Variants in PTPRD observed in about 807,000 individuals in gnomAD.
The protein encoded by PTPRD is protein tyrosine phosphatase receptor type D.
Under a neutral mutation model 214.5 loss-of-function variants are expected in PTPRD, and 34 were observed. The observed-to-expected ratio is 0.16, with a 90% confidence interval of 0.12 to 0.21. PTPRD has a LOEUF of 0.21. PTPRD is among the 10% of genes least tolerant of loss of function. The pLI is 1.00. For missense variants in PTPRD, 2,545 were observed against 2,398.7 expected (o/e 1.06, Z -1.27); for synonymous variants, 1,128 against 845.7 (o/e 1.33, Z -5.79).
intron 3 of PTPRD, among the ~76,000 whole-genome samples, chr9:10,139,791 A>C (rs1575459): frequency 0.22 from 32,914 of 151,990 alleles, 3,757 homozygotes; most frequent in South Asian, 0.39. Flanking sequence ...GAATGGGGCA[A>C]AGATTCCCTA....
chr9:9,150,377 C>A (rs1409564176), intron 10 of PTPRD, among the ~76,000 whole-genome samples: 1 of 150,098 alleles, frequency 6.7e-6, no homozygotes, highest in Admixed American at 6.7e-5. Flanking sequence ...CAGTCTTTTA[C>A]ATCATGGAGC....
intron 5 of PTPRD, among the ~76,000 whole-genome samples, chr9:9,825,322 AAG>A (rs1014660232): frequency 3.3e-5 from 5 of 151,586 alleles, no homozygotes; most frequent in African/African-American, 4.8e-5. Flanking sequence ...AAGAGAAAGA[AAG>A]AGAGAGAGAA....
intron 5 of PTPRD, among the ~76,000 whole-genome samples, chr9:9,787,009 C>T (rs1035451677): frequency 1.3e-5 from 2 of 151,932 alleles, no homozygotes; most frequent in African/African-American, 4.8e-5. Context: ...TGGTGGTGTG[C>T]GCCTGAAGTC....
intron 4 of PTPRD, among the ~76,000 whole-genome samples, chr9:9,941,766 G>C (rs1221789472): frequency 6.6e-6 from 1 of 152,152 alleles, no homozygotes; most frequent in South Asian, 2.1e-4. Flanking sequence ...GGTCCCAAAG[G>C]AAACTCCAGT....
At chr9:10,304,806 T>G (rs944161840) in intron 3 of PTPRD, among the ~76,000 whole-genome samples, 5 of 152,146 alleles carry the variant, frequency 3.3e-5, no homozygotes, top group Admixed American at 1.3e-4. Flanking sequence ...ATAGGAAGAA[T>G]CAATTCATGA....
At chr9:9,027,406 A>G (rs1194288008) in intron 10 of PTPRD, among the ~76,000 whole-genome samples, 1 of 151,968 alleles carries the variant, frequency 6.6e-6, no homozygotes, top group African/African-American at 2.4e-5. Flanking sequence ...GTTTGTAGTG[A>G]TAATGGAAGT....
At chr9:8,900,977 G>A (rs548532630) in intron 11 of PTPRD, among the ~76,000 whole-genome samples, 6 of 152,240 alleles carry the variant, frequency 3.9e-5, no homozygotes, top group Non-Finnish European at 7.4e-5. Flanking sequence ...GTACAGGTAA[G>A]TACATGATGA....
chr9:9,069,938 T>A (rs908064024), intron 10 of PTPRD, among the ~76,000 whole-genome samples: 3 of 152,102 alleles, frequency 2.0e-5, no homozygotes, highest in Non-Finnish European at 4.4e-5. Flanking sequence ...AAAGAACCTA[T>A]AAAATTAAAA....
At chr9:8,716,469 G>A (rs964842749) in intron 12 of PTPRD, among the ~76,000 whole-genome samples, 2 of 152,086 alleles carry the variant, frequency 1.3e-5, no homozygotes, top group Non-Finnish European at 2.9e-5. Context: ...ATTTCCTATT[G>A]TTAAGCACAG....
intron 5 of PTPRD, among the ~76,000 whole-genome samples, chr9:9,886,381 A>C (rs1408103849): frequency 6.6e-6 from 1 of 152,134 alleles, no homozygotes; most frequent in Non-Finnish European, 1.5e-5. Flanking sequence ...CTTTCTTCAC[A>C]TGTGGACATA....
At chr9:10,508,026 G>C (rs1487848343) in intron 2 of PTPRD, among the ~76,000 whole-genome samples, 1 of 151,832 alleles carries the variant, frequency 6.6e-6, no homozygotes, top group Non-Finnish European at 1.5e-5. Context: ...TACAGAATGG[G>C]AGAAAATTTT....
intron 44 of PTPRD, among the ~76,000 whole-genome samples, chr9:8,330,319 C>CCAGCTCTTGTAAGTACATTGTTGT (rs2131503688): frequency 6.6e-6 from 1 of 152,180 alleles, no homozygotes; most frequent in South Asian, 2.1e-4. Context: ...AGCCATCTTT[C>CCAGCTCTTGTAAGTACATTGTTGT]CAGCTCTTGT....
At chr9:10,056,818 C>G (rs1269342257) in intron 3 of PTPRD, among the ~76,000 whole-genome samples, 1 of 152,104 alleles carries the variant, frequency 6.6e-6, no homozygotes, top group African/African-American at 2.4e-5. Flanking sequence ...GCTGTATTAA[C>G]TCTTACAGGT....
At chr9:10,004,632 C>CAA (rs2096426422) in intron 4 of PTPRD, among the ~76,000 whole-genome samples, 1 of 151,896 alleles carries the variant, frequency 6.6e-6, no homozygotes, top group Non-Finnish European at 1.5e-5. Context: ...TTAACACACA[C>CAA]ACACACCGCA....
chr9:10,183,892 G>A lies in PTPRD; in HGVS notation c.-544-150102C>T, dbSNP rs72696962. The stretch of plus-strand genomic sequence containing the variant: ...CAAAGGAGAGATAACTATTATAATT[G>A]TGTTCTGATTGAATGCTCATAAGGA... On this transcript the variant is annotated intron_variant, in intron 3 of 45. Transcript: ENST00000381196. Among the ~76,000 whole-genome samples, 665 of 152,290 alleles carry A rather than the reference G, an allele frequency of 4.4e-3. 1 individual carries two copies. Among genetic ancestry groups the A allele is most frequent in the Non-Finnish European group, 7.2e-3 (492 of 68,022 alleles).
chr9:10,531,404 T>C (rs1235853700), intron 2 of PTPRD, among the ~76,000 whole-genome samples: 1 of 151,948 alleles, frequency 6.6e-6, no homozygotes, highest in African/African-American at 2.4e-5. Context: ...GATGGGGAAA[T>C]GGGATGACAG....
At chr9:8,745,464 G>A (rs2092686565) in intron 11 of PTPRD, among the ~76,000 whole-genome samples, 1 of 152,118 alleles carries the variant, frequency 6.6e-6, no homozygotes, top group Non-Finnish European at 1.5e-5. Context: ...GGTATAGGAA[G>A]GCAGGATGAA....
intron 7 of PTPRD, among the ~76,000 whole-genome samples, chr9:9,678,771 TA>T (rs1464077236): frequency 6.6e-6 from 1 of 151,716 alleles, no homozygotes; most frequent in African/African-American, 2.4e-5. Flanking sequence ...ACTGTATGTA[TA>T]AAAAGAAGAA....
chr9:10,203,278 T>C (rs2099441231), intron 3 of PTPRD, among the ~76,000 whole-genome samples: 1 of 151,344 alleles, frequency 6.6e-6, no homozygotes, highest in South Asian at 2.1e-4. Flanking sequence ...AAGCACTCAA[T>C]AAATCATTGG....
Sources: allele counts gnomAD v4.1 joint callset (sites outside exome capture counted in the v4.1 genomes callset), GRCh38; gene constraint gnomAD v4.1.1; transcripts MANE v1.5; gene names NCBI Gene and HGNC (gene_info 2026-07-23, HGNC 2026-07-21).